Variants in WDR4 observed in about 807,000 individuals in gnomAD.
WDR4 encodes WDR4 tRNA N7-guanosine methyltransferase non-catalytic subunit.
WDR4 carries 47 observed loss-of-function variants against 48.6 expected under a neutral mutation model. The ratio of observed to expected loss-of-function variants is 0.97; its 90% CI spans 0.77 to 1.23. The LOEUF is 1.23. Ranked by LOEUF, WDR4 falls within the 50% of genes most tolerant of loss-of-function variation. The pLI is 0.00. For missense variants in WDR4, 606 were observed against 551.6 expected (o/e 1.10, Z -0.99); for synonymous variants, 268 against 230.0 (o/e 1.17, Z -1.49).
chr21:42,857,082 C>T (rs1454874228), intron 6 of WDR4, among the ~76,000 whole-genome samples: 1 of 152,040 alleles, frequency 6.6e-6, no homozygotes, highest in African/African-American at 2.4e-5. Flanking sequence ...GCCTGAAGAC[C>T]AAGGTGGTGA....
chr21:42,878,720 C>T (rs918263088), intron 1 of WDR4, among the ~76,000 whole-genome samples: 3 of 152,152 alleles, frequency 2.0e-5, no homozygotes, highest in Non-Finnish European at 4.4e-5. Context: ...TCCCCTGCGT[C>T]GTCCTAGCAC....
At chr21:42,851,427 C>T (rs1336281603) in intron 10 of WDR4, among the ~76,000 whole-genome samples, 2 of 152,230 alleles carry the variant, frequency 1.3e-5, no homozygotes, top group Non-Finnish European at 2.9e-5. Context: ...GGGCCCCAAT[C>T]AGCGGAAACT....
chr21:42,850,717 G>A (rs78971901), intron 10 of WDR4, among the ~76,000 whole-genome samples: 1 of 152,328 alleles, frequency 6.6e-6, no homozygotes, highest in East Asian at 1.9e-4. Context: ...CAGCTCAGCT[G>A]AGTCCGGACC....
At chr21:42,849,074 G>A (rs1217915569), downstream of WDR4, among the ~76,000 whole-genome samples, 29 of 98,494 alleles carry the variant, frequency 2.9e-4, no homozygotes, top group South Asian at 1.2e-3. Context: ...CACACACAGC[G>A]CACGATCACA....
At chr21:42,851,167 G>A (rs2057817807) in intron 10 of WDR4, among the ~76,000 whole-genome samples, 1 of 152,252 alleles carries the variant, frequency 6.6e-6, no homozygotes, top group South Asian at 2.1e-4. Context: ...ACAGGTCTAT[G>A]CTGTCCGTGG....
upstream of WDR4, chr21:42,883,851 T>C (rs1356907137): frequency 6.5e-6 from 1 of 153,266 alleles, no homozygotes; most frequent in Non-Finnish European, 1.5e-5. Flanking sequence ...TGTGTACATT[T>C]CAGTGGGTTT....
intron 6 of WDR4, among the ~76,000 whole-genome samples, chr21:42,857,039 C>T (rs1206924256): frequency 6.6e-6 from 1 of 152,130 alleles, no homozygotes; most frequent in Admixed American, 6.5e-5. Context: ...CGAGAGGTGC[C>T]AGGACCTGCC....
At chr21:42,877,137 A>G (rs865879431) in intron 1 of WDR4, among the ~76,000 whole-genome samples, 2 of 117,364 alleles carry the variant, frequency 1.7e-5, no homozygotes, top group African/African-American at 3.2e-5. Flanking sequence ...GCCTGGCCCT[A>G]ATTTTTTTTT....
upstream of WDR4, among the ~76,000 whole-genome samples, chr21:42,884,180 G>A (rs907847375): frequency 6.6e-6 from 1 of 152,152 alleles, no homozygotes; most frequent in Non-Finnish European, 1.5e-5. Context: ...TCTGCTCATT[G>A]GTTGATAGGC....
chr21:42,865,247 G>A (rs1248189520), intron 3 of WDR4, among the ~76,000 whole-genome samples: 1 of 152,198 alleles, frequency 6.6e-6, no homozygotes, highest in Non-Finnish European at 1.5e-5. Context: ...ATTACGCTCT[G>A]GGGCAAGATT....
chr21:42,868,240 C>T (rs912095531), intron 3 of WDR4, among the ~76,000 whole-genome samples: 1 of 152,208 alleles, frequency 6.6e-6, no homozygotes, highest in Non-Finnish European at 1.5e-5. Context: ...AGAAGCTCCA[C>T]TGTTAGGAAC....
At chr21:42,867,420 G>A (rs963358484) in intron 3 of WDR4, among the ~76,000 whole-genome samples, 3 of 148,098 alleles carry the variant, frequency 2.0e-5, no homozygotes, top group East Asian at 2.0e-4. Context: ...AAAAGTGAAC[G>A]CACAGGTAAA....
intron 1 of WDR4, 174 bp downstream of exon 1, chr21:42,879,233 G>A (rs2058573315): frequency 2.3e-6 from 3 of 1,332,954 alleles, no homozygotes; most frequent in Non-Finnish European, 2.9e-6. Context: ...GACCCTCCAG[G>A]CGCAGAGACG....
Position 42,862,834 on chromosome 21 carries a change from C to G in WDR4, c.454-440G>C, listed in dbSNP as rs2058150675. The stretch of plus-strand genomic sequence containing the variant: ...GTGAGGTTCCCTTTGATACCCCACA[C>G]TCGCCATTGTTCCTGACTGTCCCTG... On this transcript the variant is annotated intron_variant, in intron 4 of 10. Coordinates refer to ENST00000398208, the MANE Select transcript of WDR4 (RefSeq NM_018669.6). This position sits in a 1 kb window ranked among gnomAD's most constrained non-coding sequence, Gnocchi z 4.3. 6.6e-6 allele frequency among the ~76,000 whole-genome samples: 1 copy of G among 152,350 alleles called. No homozygotes were observed. The highest frequency in any genetic ancestry group is 1.9e-4 in the East Asian group (1 of 5,186).
At chr21:42,872,168 G>C (rs550432507) in intron 3 of WDR4, among the ~76,000 whole-genome samples, 1 of 152,182 alleles carries the variant, frequency 6.6e-6, no homozygotes, top group South Asian at 2.1e-4. Context: ...ATTTTTAGTA[G>C]AGACGGGGTT....
rs763059242 is a variant in WDR4, at chr21:42,850,114, G to T, written c.1174C>A (p.Pro392Thr). The T allele has an allele frequency of 6.2e-7, 1 of 1,614,114 alleles. No homozygotes were observed. Among genetic ancestry groups the T allele is most frequent in the Admixed American group, 1.7e-5 (1 of 60,004 alleles). ...QLEKKQRRRS[P>T]PPGPDGHAKK... ...GCATGCCCGTCGGGCCCAGGCGGGG[G>T]ACTCCGGCGCCGCTGCTTCTTCTCT... The change falls in exon 11 of 11, where the codon CCC (proline) becomes ACC (threonine). Residue 392 changes from proline to threonine, a missense_variant. Pro to Thr is a conservative substitution (Grantham distance 38). Coordinates refer to ENST00000398208, the MANE Select transcript of WDR4 (RefSeq NM_018669.6).
chr21:42,846,501 C>G (rs2057712427), downstream of WDR4, among the ~76,000 whole-genome samples: 1 of 152,198 alleles, frequency 6.6e-6, no homozygotes, highest in Non-Finnish European at 1.5e-5. Context: ...AATCCCAGTT[C>G]CAGCATTTCA....
chr21:42,850,966 C>A (rs1348643026), intron 10 of WDR4, among the ~76,000 whole-genome samples: 1 of 152,188 alleles, frequency 6.6e-6, no homozygotes, highest in East Asian at 1.9e-4. Flanking sequence ...GCCCATCCAG[C>A]AGGTGGCGCA....
chr21:42,853,598 G>C lies in WDR4; in HGVS notation c.946C>G (p.Leu316Val), dbSNP rs1052891334. 5 of 1,610,824 alleles carry C rather than the reference G, an allele frequency of 3.1e-6. No individual in the cohort carries two copies. The highest frequency in any genetic ancestry group is 4.2e-6 in the Non-Finnish European group (5 of 1,179,218). ...CACTGGTCGCCCACAGGCCTGTAGA[G>C]CACCAGGGGGGCTTCCTGGCAGTCC... ...LQDCQEAPLV[L>V]YRPVGDQWQS... Residue 316 changes from leucine (L) to valine (V), a missense_variant, in exon 9 of 11, where the codon CTC (leucine) becomes GTC (valine). Coordinates refer to ENST00000398208, the MANE Select transcript of WDR4 (RefSeq NM_018669.6).
Sources: gnomAD v4.1 joint callset for allele counts (sites outside exome capture counted in the v4.1 genomes callset) on GRCh38, gnomAD v4.1.1 for gene constraint, Gnocchi (gnomAD v3.1) non-coding constraint, MANE v1.5 for transcripts, NCBI Gene and HGNC (gene_info 2026-07-23, HGNC 2026-07-21) for gene names.